The following ZNRF1 variants were observed in gnomAD, a reference collection of about 807,000 sequenced individuals.
The protein encoded by ZNRF1 is E3 ubiquitin-protein ligase ZNRF1.
ZNRF1 carries 3 observed loss-of-function variants against 18.4 expected under a neutral mutation model. That is an observed-to-expected ratio of 0.16 (90% confidence interval 0.07 to 0.42). The LOEUF is 0.42. Among genes scored for constraint, ZNRF1 ranks in the 10% least tolerant of loss-of-function variants. The probability of loss-of-function intolerance (pLI) is 0.99; values close to 1 mark genes in which losing one functional copy is unlikely to be tolerated. For synonymous variants in ZNRF1, 157 were observed against 144.2 expected, an observed-to-expected ratio of 1.09 and a Z score of -0.64; for missense variants, 310 against 329.8, an observed-to-expected ratio of 0.94 and a Z score of 0.47.
intron 1 of ZNRF1, 182 bp downstream of exon 1, chr16:75,000,277 C>T (rs1042883586): frequency 1.1e-6 from 1 of 948,148 alleles, no homozygotes; most frequent in Non-Finnish European, 1.6e-6. Flanking sequence ...TTCTGCGAGG[C>T]TGCGGAGCCT....
At chr16:75,029,841 C>G (rs1391633471) in intron 1 of ZNRF1, among the ~76,000 whole-genome samples, 1 of 151,946 alleles carries the variant, frequency 6.6e-6, no homozygotes, top group African/African-American at 2.4e-5. Context: ...TCGAGACCAG[C>G]CTGGCCAACA....
At chr16:75,027,898 C>G (rs2035248006) in intron 1 of ZNRF1, among the ~76,000 whole-genome samples, 1 of 152,186 alleles carries the variant, frequency 6.6e-6, no homozygotes, top group African/African-American at 2.4e-5. Flanking sequence ...GAGGACTCTT[C>G]CATACTTTCT....
intron 1 of ZNRF1, among the ~76,000 whole-genome samples, chr16:75,028,569 A>T (rs1206192080): frequency 6.6e-6 from 1 of 152,248 alleles, no homozygotes; most frequent in Admixed American, 6.5e-5. Flanking sequence ...TGCTGGGATT[A>T]TAGGCGTGAG....
intron 1 of ZNRF1, among the ~76,000 whole-genome samples, chr16:75,088,155 T>C (rs182659114): frequency 4.6e-5 from 7 of 152,348 alleles, no homozygotes; most frequent in Admixed American, 3.3e-4. Flanking sequence ...CTTCAGGTAG[T>C]TCATAAATAT....
At chr16:75,000,180 G>A in intron 1 of ZNRF1, 85 bp downstream of exon 1, 1 of 1,517,230 alleles carries the variant, frequency 6.6e-7, no homozygotes, top group South Asian at 1.2e-5. Flanking sequence ...GTTTGGGAAT[G>A]TAGTGCACGA....
intron 1 of ZNRF1, among the ~76,000 whole-genome samples, chr16:75,016,633 T>C (rs1378528233): frequency 6.6e-6 from 1 of 151,598 alleles, no homozygotes. Context: ...CCTCCCGGGT[T>C]CAAGCAATTC....
chr16:75,086,234 G>T (rs2036072574), intron 1 of ZNRF1, among the ~76,000 whole-genome samples: 1 of 152,082 alleles, frequency 6.6e-6, no homozygotes, highest in Non-Finnish European at 1.5e-5. Context: ...AATAATCTGG[G>T]CACCCCATGG....
intron 1 of ZNRF1, among the ~76,000 whole-genome samples, chr16:75,073,316 T>G (rs1187785771): frequency 2.6e-5 from 4 of 152,072 alleles, no homozygotes; most frequent in Non-Finnish European, 5.9e-5. Flanking sequence ...GTTTTTCCTT[T>G]CTTTTTAGAC....
chr16:75,027,761 TA>T (rs2035245692), intron 1 of ZNRF1, among the ~76,000 whole-genome samples: 2 of 152,180 alleles, frequency 1.3e-5, no homozygotes, highest in African/African-American at 4.8e-5. Context: ...GCCCCTGGGT[TA>T]GAAGAAACAC....
intron 1 of ZNRF1, among the ~76,000 whole-genome samples, chr16:75,013,688 C>T (rs188074742): frequency 2.9e-4 from 44 of 152,120 alleles, no homozygotes; most frequent in Middle Eastern, 3.4e-3. Flanking sequence ...TTTAGTCCTG[C>T]GGTTACTAAA....
At chr16:75,050,914 C>T (rs1055575175) in intron 1 of ZNRF1, among the ~76,000 whole-genome samples, 2 of 142,758 alleles carry the variant, frequency 1.4e-5, no homozygotes, top group South Asian at 2.3e-4. Context: ...AACTTGTAGC[C>T]AGGTACAGTG....
chr16:75,047,086 T>C (rs560425251), intron 1 of ZNRF1, among the ~76,000 whole-genome samples: 20 of 152,366 alleles, frequency 1.3e-4, no homozygotes, highest in Admixed American at 1.3e-3. Context: ...ATTATGTTTT[T>C]GAGATGTATT....
At chr16:75,063,531 A>C (rs1011216637) in intron 1 of ZNRF1, among the ~76,000 whole-genome samples, 1 of 152,174 alleles carries the variant, frequency 6.6e-6, no homozygotes, top group African/African-American at 2.4e-5. Context: ...TTGGAAAAAT[A>C]TATGGTGGTA....
intron 1 of ZNRF1, among the ~76,000 whole-genome samples, chr16:75,005,502 C>G (rs929406538): frequency 6.6e-6 from 1 of 152,090 alleles, no homozygotes; most frequent in Non-Finnish European, 1.5e-5. Flanking sequence ...AAGGAACATG[C>G]TTTGTATTTT....
intron 1 of ZNRF1, among the ~76,000 whole-genome samples, chr16:75,032,104 G>GT (rs1162819265): frequency 0.056 from 6,079 of 108,620 alleles, 310 homozygotes; most frequent in African/African-American, 0.13. Context: ...TTCTTGTGAG[G>GT]TTTTTTTTTT....
chr16:75,000,485 G>A, intron 1 of ZNRF1: 1 of 390,024 alleles, frequency 2.6e-6, no homozygotes, highest in Admixed American at 3.5e-5. Context: ...GGAGCCAGTT[G>A]GAGCAAGCAG....
chr16:75,004,728 C>G (rs1391715032), intron 1 of ZNRF1, among the ~76,000 whole-genome samples: 3 of 152,180 alleles, frequency 2.0e-5, no homozygotes, highest in Non-Finnish European at 4.4e-5. Flanking sequence ...GTCTTCCCAT[C>G]TCAGCTTCCA....
intron 1 of ZNRF1, among the ~76,000 whole-genome samples, chr16:75,066,052 A>G (rs1461154254): frequency 6.6e-6 from 1 of 152,214 alleles, no homozygotes; most frequent in Non-Finnish European, 1.5e-5. Context: ...GTCAGAAGGC[A>G]TCTTTGCAGC....
At chr16:75,040,172 G>A (rs977130208) in intron 1 of ZNRF1, among the ~76,000 whole-genome samples, 81 of 148,592 alleles carry the variant, frequency 5.5e-4, no homozygotes, top group Non-Finnish European at 1.5e-5. Context: ...AGCCTTCCAC[G>A]TAGCTGGCAC....
Sources: allele counts gnomAD v4.1 joint callset (sites outside exome capture counted in the v4.1 genomes callset), GRCh38; gene constraint gnomAD v4.1.1; transcripts MANE v1.5; gene names NCBI Gene and HGNC (gene_info 2026-07-23, HGNC 2026-07-21).